The following NEDD4 variants were observed in gnomAD, a reference collection of about 807,000 sequenced individuals.
NEDD4 encodes E3 ubiquitin-protein ligase NEDD4.
In NEDD4, 99 loss-of-function variants were observed where a neutral mutation model predicts 144.9. That is an observed-to-expected ratio of 0.68 (90% CI 0.58 to 0.81). NEDD4 has a LOEUF of 0.81. Among genes scored for constraint, NEDD4 ranks in the 30% least tolerant of loss-of-function variants. The probability of loss-of-function intolerance (pLI) is 0.00; values close to 1 mark genes in which losing one functional copy is unlikely to be tolerated. For missense variants in NEDD4, 985 were observed against 1,065.9 expected (o/e 0.92, Z 1.06); for synonymous variants, 318 against 350.6 (o/e 0.91, Z 1.04).
chr15:55,973,610 T>C (rs147155353), intron 1 of NEDD4, among the ~76,000 whole-genome samples: 31 of 150,372 alleles, frequency 2.1e-4, no homozygotes, highest in South Asian at 4.2e-4. Flanking sequence ...ACACTAGAAA[T>C]CAATAACAAG....
At chr15:55,992,378 A>C (rs1437210926) in intron 1 of NEDD4, among the ~76,000 whole-genome samples, 3 of 152,182 alleles carry the variant, frequency 2.0e-5, no homozygotes, top group Non-Finnish European at 4.4e-5. Flanking sequence ...ACCCTTTATA[A>C]ACAAAGAACT....
chr15:55,851,725 C>T (rs1312925185), intron 13 of NEDD4, among the ~76,000 whole-genome samples: 19 of 152,044 alleles, frequency 1.2e-4, no homozygotes, highest in Admixed American at 1.2e-3. Context: ...GATCCTCCCA[C>T]CTTGGCCTCC....
chr15:55,981,665 CAA>C (rs2037806615), intron 1 of NEDD4, among the ~76,000 whole-genome samples: 1 of 152,144 alleles, frequency 6.6e-6, no homozygotes, highest in African/African-American at 2.4e-5. Flanking sequence ...GATTTAGGAG[CAA>C]GCAGTAGTTC....
chr15:55,923,838 T>TAA (rs67519209), intron 5 of NEDD4, among the ~76,000 whole-genome samples: 88 of 150,506 alleles, frequency 5.8e-4, no homozygotes, highest in Non-Finnish European at 8.1e-4. Context: ...GACTTTTTTT[T>TAA]AAAAAAAAAG....
At position 55,869,889 on chromosome 15, in the gene NEDD4, A is replaced by AAATAAATAAATCAATC. The variant is rs58734138; in HGVS notation, c.405-209_405-208insGATTGATTTATTTATT. On this transcript the variant is annotated intron_variant, in intron 7 of 28. Coordinates refer to ENST00000435532, the MANE Select transcript of NEDD4 (RefSeq NM_006154.4). ...TAAATAAATAAATAAATAAATAAATAAATAATTGTTATGACACAAAGAAGA... is the reference window on the plus strand; with the variant it reads ...TAAATAAATAAATAAATAAATAAATAAATAAATAAATCAATCAATAATTGTTATGACACAAAGAAGA... 4.6e-4 allele frequency among the ~76,000 whole-genome samples: 69 copies of AAATAAATAAATCAATC among 149,978 alleles called. 1 individual carries two copies. The highest frequency in any genetic ancestry group is 9.5e-4 in the African/African-American group (39 of 40,980).
intron 9 of NEDD4, among the ~76,000 whole-genome samples, chr15:55,862,095 A>G (rs1176377031): frequency 1.3e-5 from 2 of 152,184 alleles, no homozygotes; most frequent in Non-Finnish European, 2.9e-5. Context: ...CTCTATGAAG[A>G]CTGAAGCTTC....
In NEDD4 at chr15:55,842,079, T is replaced by C. The variant is rs2033536014; in HGVS notation, c.1693A>G (p.Arg565Gly). 6.2e-7 allele frequency: 1 copy of C among 1,614,100 alleles called. No individual in the cohort carries two copies. Among genetic ancestry groups the C allele is most frequent in the African/African-American group, 1.3e-5 (1 of 74,930 alleles). The change falls in exon 19 of 29, where the codon AGA (arginine) becomes GGA (glycine). Residue 565 changes from arginine (R) to glycine (G), a missense_variant. Arg to Gly is a moderately radical substitution (Grantham distance 125). Transcript: ENST00000435532. ...AGTCGAGCCTTCAGGAAGTCTGCTCTCTTGACACCCATAATTCTCCGGTAA... is the reference window on the plus strand; with the variant it reads ...AGTCGAGCCTTCAGGAAGTCTGCTCCCTTGACACCCATAATTCTCCGGTAA... ...DSYRRIMGVK[R>G]ADFLKARLWI...
intron 1 of NEDD4, among the ~76,000 whole-genome samples, chr15:55,985,788 C>T (rs747333110): frequency 1.4e-4 from 22 of 151,780 alleles, no homozygotes; most frequent in Non-Finnish European, 2.2e-4. Flanking sequence ...CACACACACA[C>T]GCTTAACTGT....
chr15:55,909,340 C>T (rs1322506263), intron 5 of NEDD4, among the ~76,000 whole-genome samples: 2 of 152,200 alleles, frequency 1.3e-5, no homozygotes, highest in Non-Finnish European at 2.9e-5. Context: ...TCAACAGTTG[C>T]TCCCATGTTG....
At chr15:55,871,621 ACAGT>A (rs1363205295) in intron 7 of NEDD4, among the ~76,000 whole-genome samples, 2 of 152,192 alleles carry the variant, frequency 1.3e-5, no homozygotes, top group Admixed American at 6.5e-5. Context: ...GTAAATATTA[ACAGT>A]CAGTGAGCAC....
In NEDD4 at chr15:55,951,498, T is replaced by G. The variant is rs56944059; in HGVS notation, c.198+13A>C. 2.8e-3 allele frequency: 4,187 copies of G among 1,509,420 alleles called. 92 individuals are homozygous for G. The African/African-American group carries it at 0.051, about 18-fold the overall frequency. The allele number at this position is 1,509,420 out of a possible 1,614,324, so 93.5% of individuals were successfully genotyped here. On this transcript the variant is annotated intron_variant, in intron 3 of 28. Transcript: ENST00000435532. ...AAGTACATTAAAAACTTTTGAATAT[T>G]GCTAAGTCTAACCTTTTTAATGGTT...
rs201091245 is a variant in NEDD4 at position 55,834,235 on chromosome 15, C to T, written c.2314G>A (p.Glu772Lys). 405 of 1,609,522 alleles carry T rather than the reference C, an allele frequency of 2.5e-4. 4 individuals are homozygous for T. The South Asian group carries it at 4.0e-3, about 16-fold the overall frequency. ...AAAATGTTATGTCTTACCTCTAGTTCATTTTCATCAAAAATTTTGATGAGA... is the reference window on the plus strand; with the variant it reads ...AAAATGTTATGTCTTACCTCTAGTTTATTTTCATCAAAAATTTTGATGAGA... ...QDLIKIFDEN[E>K]LELLMCGLGD... is the part of the protein sequence containing the mutation. The change falls in exon 25 of 29, where the codon GAA becomes AAA. Residue 772 changes from glutamate to lysine, a missense_variant. Physicochemically the swap from Glu to Lys is moderately conservative, Grantham distance 56. Transcript: ENST00000435532.
chr15:55,850,416 A>C, intron 14 of NEDD4, 126 bp downstream of exon 14: 1 of 862,008 alleles, frequency 1.2e-6, no homozygotes, highest in South Asian at 1.7e-5. Flanking sequence ...TTAAGAATTC[A>C]ATATACCTTT....
chr15:55,970,053 G>A (rs1021148651), intron 1 of NEDD4, among the ~76,000 whole-genome samples: 4 of 152,240 alleles, frequency 2.6e-5, no homozygotes, highest in African/African-American at 9.6e-5. Flanking sequence ...GAGAGACCCA[G>A]GCCTGGCAGG....
chr15:55,898,554 C>A (rs1460669399), intron 5 of NEDD4, among the ~76,000 whole-genome samples: 3 of 150,658 alleles, frequency 2.0e-5, no homozygotes, highest in Non-Finnish European at 4.4e-5. Flanking sequence ...TATATATGTT[C>A]TTTGTCTTCC....
At chr15:55,971,582 G>A (rs563657640) in intron 1 of NEDD4, among the ~76,000 whole-genome samples, 29 of 147,800 alleles carry the variant, frequency 2.0e-4, no homozygotes, top group Admixed American at 1.4e-4. Flanking sequence ...CAGAGATTGC[G>A]CCACTGCACT....
chr15:55,891,701 T>A (rs1179497725), intron 5 of NEDD4, among the ~76,000 whole-genome samples: 1 of 152,206 alleles, frequency 6.6e-6, no homozygotes, highest in Non-Finnish European at 1.5e-5. Flanking sequence ...CCTTTTCTAG[T>A]ATTATAATGA....
At chr15:55,913,676 A>G (rs1244986652) in intron 5 of NEDD4, among the ~76,000 whole-genome samples, 2 of 152,078 alleles carry the variant, frequency 1.3e-5, no homozygotes, top group African/African-American at 4.8e-5. Flanking sequence ...CTAAGCATAA[A>G]TAAAACCAGT....
At position 55,848,872 on chromosome 15, in the gene NEDD4, C is replaced by T. The variant is rs1342840181; in HGVS notation, c.1362G>A (p.Leu454=). The change falls in exon 15 of 29, where the codon TTG becomes TTA. Residue 454 remains leucine, a synonymous_variant. Coordinates refer to ENST00000435532, the MANE Select transcript of NEDD4 (RefSeq NM_006154.4). ...TKTTTWEDPR[L]KIPAHLRGKT... ...TTCCTCTCAGATGGGCTGGAATTTT[C>T]AATCTTGGATCTTCCTTTTTTGGTA... 3 of 1,613,572 alleles carry T rather than the reference C, an allele frequency of 1.9e-6. No individual in the cohort carries two copies. The South Asian group carries it at 3.3e-5, about 18-fold the overall frequency.
Sources: gnomAD v4.1 joint callset for allele counts (sites outside exome capture counted in the v4.1 genomes callset) on GRCh38, gnomAD v4.1.1 for gene constraint, MANE v1.5 for transcripts, NCBI Gene and HGNC (gene_info 2026-07-23, HGNC 2026-07-21) for gene names.